SNRNP200: variants seen among roughly 807,000 people sequenced by gnomAD.
SNRNP200 encodes the protein small nuclear ribonucleoprotein U5 subunit 200.
A neutral mutation model predicts 255.2 loss-of-function variants in SNRNP200; 66 were observed. The observed-to-expected ratio is 0.26, with a 90% CI of 0.21 to 0.32. The LOEUF (loss-of-function observed/expected upper bound fraction) is 0.32, where lower values mean the gene tolerates loss of function less well. Among genes scored for constraint, SNRNP200 ranks in the 10% least tolerant of loss-of-function variants. The pLI is 1.00. For synonymous variants in SNRNP200, 939 were observed against 1,027.8 expected (o/e 0.91, Z 1.65); for missense variants, 1,585 against 2,749.8 (o/e 0.58, Z 9.47).
chr2:96,276,051 T>G (rs1425667426), intron 43 of SNRNP200, among the ~76,000 whole-genome samples: 2 of 152,150 alleles, frequency 1.3e-5, no homozygotes, highest in African/African-American at 4.8e-5. Flanking sequence ...TGCACAGAGA[T>G]ATCCACAGCA....
At chr2:96,301,418 G>C in intron 4 of SNRNP200, 106 bp downstream of exon 4, 1 of 1,163,684 alleles carries the variant, frequency 8.6e-7, no homozygotes, top group South Asian at 1.2e-5. Flanking sequence ...ACAGATTATG[G>C]GAACTCACTG....
At position 96,301,064 on chromosome 2, in the gene SNRNP200, G is replaced by C; in HGVS notation, c.575-11C>G. The C allele has an allele frequency of 1.9e-6, 3 of 1,613,438 alleles. No individual in the cohort carries two copies. Among genetic ancestry groups the C allele is most frequent in the Non-Finnish European group, 2.5e-6 (3 of 1,179,484 alleles). Reference sequence around the variant, plus strand: ...CATCAATGTTGTCATCTGAAACAATGAAGGATTAGAAAAAGAGGGCAGTGA... The same window carrying C: ...CATCAATGTTGTCATCTGAAACAATCAAGGATTAGAAAAAGAGGGCAGTGA... On this transcript the variant is annotated splice_polypyrimidine_tract_variant and intron_variant, in intron 4 of 44. Coordinates refer to ENST00000323853, the MANE Select transcript of SNRNP200 (RefSeq NM_014014.5).
At position 96,290,531 on chromosome 2, in the gene SNRNP200, G is replaced by GAACCAAGA. The variant is rs2063877711; in HGVS notation, c.2554-25_2554-18dup. 6.2e-7 allele frequency: 1 copy of GAACCAAGA among 1,613,938 alleles called. No individual in the cohort carries two copies. The highest frequency in any genetic ancestry group is 1.3e-5 in the African/African-American group (1 of 74,874). Reference sequence around the variant, plus strand: ...TCCCAGCATCTAGATCAGAGACAGCGAACCAAGAATGCTATGTCAAGAGAA... The same window carrying GAACCAAGA: ...TCCCAGCATCTAGATCAGAGACAGCGAACCAAGAAACCAAGAATGCTATGTCAAGAGAA... On this transcript the variant is annotated splice_polypyrimidine_tract_variant and intron_variant, in intron 19 of 44. Transcript: ENST00000323853. This position sits in a 1 kb window ranked among gnomAD's most constrained non-coding sequence, Gnocchi z 4.5.
intron 9 of SNRNP200, 122 bp downstream of exon 9, chr2:96,298,162 C>T: frequency 6.9e-7 from 1 of 1,451,552 alleles, no homozygotes; most frequent in Non-Finnish European, 9.6e-7. Context: ...ACTGATAAAC[C>T]CCAAAGAATT....
At chr2:96,280,927 A>T (rs1162259564) in intron 35 of SNRNP200, among the ~76,000 whole-genome samples, 2 of 141,498 alleles carry the variant, frequency 1.4e-5, no homozygotes, top group Non-Finnish European at 3.0e-5. Flanking sequence ...ATCTTGGCTC[A>T]CTGCAACCTC....
chr2:96,279,179 G>C, intron 36 of SNRNP200, 181 bp from the exon 37 acceptor site: 1 of 671,110 alleles, frequency 1.5e-6, no homozygotes, highest in Non-Finnish European at 2.7e-6. Context: ...CAGAGGTACA[G>C]CAAGTCACGA....
chr2:96,284,191 A>G (rs1426989812), intron 31 of SNRNP200, 167 bp downstream of exon 31: 2 of 857,330 alleles, frequency 2.3e-6, no homozygotes, highest in African/African-American at 3.3e-5. Flanking sequence ...CTGTTTTCCT[A>G]AAGTACTACC....
intron 2 of SNRNP200, 64 bp from the exon 3 acceptor site, chr2:96,303,394 AAG>A: frequency 6.3e-7 from 1 of 1,581,056 alleles, no homozygotes; most frequent in African/African-American, 1.3e-5. Flanking sequence ...AGACTGGATC[AAG>A]CCCACCCTCC....
intron 5 of SNRNP200, among the ~76,000 whole-genome samples, chr2:96,300,623 C>G: frequency 6.6e-6 from 1 of 152,020 alleles, no homozygotes; most frequent in East Asian, 1.9e-4. Context: ...ATTAGCCGGG[C>G]ATGGTGGCGG....
chr2:96,287,696 G>A lies in SNRNP200; in HGVS notation c.3366-139C>T. The stretch of plus-strand genomic sequence containing the variant: ...CAGACACTGACACTGTGCCAGCCCT[G>A]GCCTCCACCACAGAGGGCCTTCCCT... On this transcript the variant is annotated intron_variant, in intron 25 of 44. Transcript: ENST00000323853. The surrounding 1 kb of genome is among the most constrained non-coding windows in gnomAD (Gnocchi z 5.7). 2 of 911,688 alleles carry A rather than the reference G, an allele frequency of 2.2e-6. No homozygotes were observed. The highest frequency in any genetic ancestry group is 3.7e-6 in the Non-Finnish European group (2 of 541,510). The allele number at this position is 911,688 out of a possible 1,614,324, so 56.5% of individuals were successfully genotyped here.
chr2:96,293,133 G>C, intron 15 of SNRNP200, 38 bp from the exon 16 acceptor site: 1 of 1,613,882 alleles, frequency 6.2e-7, no homozygotes, highest in Non-Finnish European at 8.5e-7. Context: ...GGCTTTGGCA[G>C]AAAATACTGT....
At position 96,297,053 on chromosome 2, in the gene SNRNP200, T is replaced by G; in HGVS notation, c.1395A>C (p.Glu465Asp). ...FGSEEQLLPV[E>D]KLPKYAQAGF... is the part of the protein sequence containing the mutation. ...CAGCCTGGGCATACTTTGGCAGCTTTTCCACTGGAAGCAGTTGCTAGAAGA... is the reference window on the plus strand; with the variant it reads ...CAGCCTGGGCATACTTTGGCAGCTTGTCCACTGGAAGCAGTTGCTAGAAGA... The change falls in exon 12 of 45, where the codon GAA becomes GAC. Residue 465 changes from glutamate to aspartate, a missense_variant. Transcript: ENST00000323853. 1.2e-6 allele frequency: 2 copies of G among 1,614,206 alleles called. No homozygotes were observed. Among genetic ancestry groups the G allele is most frequent in the South Asian group, 2.2e-5 (2 of 91,086 alleles).
chr2:96,302,213 A>G (rs369443878), intron 3 of SNRNP200, among the ~76,000 whole-genome samples: 19 of 152,328 alleles, frequency 1.2e-4, no homozygotes, highest in African/African-American at 1.4e-4. Flanking sequence ...CTCTTCTATA[A>G]AATGGAAAAT....
At chr2:96,288,825 C>G in intron 23 of SNRNP200, 79 bp from the exon 24 acceptor site, 1 of 1,256,842 alleles carries the variant, frequency 8.0e-7, no homozygotes, top group Admixed American at 1.7e-5. Flanking sequence ...CTGCTCTGAG[C>G]ATCCAGGCCA....
chr2:96,287,246 G>C lies in SNRNP200; in HGVS notation c.3485-86C>G. The stretch of plus-strand genomic sequence containing the variant: ...GCCTGAGGGCCACTGTGGGAAAGGG[G>C]TAGGGTCTTCCCTTTATGGTCAGTG... On this transcript the variant is annotated intron_variant, in intron 26 of 44. Coordinates refer to ENST00000323853, the MANE Select transcript of SNRNP200 (RefSeq NM_014014.5). The surrounding 1 kb of genome is among the most constrained non-coding windows in gnomAD (Gnocchi z 5.7). 6.6e-7 allele frequency: 1 copy of C among 1,524,874 alleles called. No individual in the cohort carries two copies. Among genetic ancestry groups the C allele is most frequent in the East Asian group, 2.2e-5 (1 of 44,450 alleles). The allele number at this position is 1,524,874 out of a possible 1,614,324, so 94.5% of individuals were successfully genotyped here.
chr2:96,297,166 T>C, intron 11 of SNRNP200, 96 bp from the exon 12 acceptor site: 2 of 1,577,172 alleles, frequency 1.3e-6, no homozygotes, highest in South Asian at 2.2e-5. Flanking sequence ...TGGCAATCTC[T>C]TTGCATAACT....
intron 9 of SNRNP200, 79 bp from the exon 10 acceptor site, chr2:96,297,799 C>T (rs1029619833): frequency 6.7e-7 from 1 of 1,493,904 alleles, no homozygotes; most frequent in Non-Finnish European, 9.3e-7. Flanking sequence ...CCCTGCTTAG[C>T]TAATACTTGA....
At chr2:96,304,256 AAAAT>A (rs2063973206) in intron 2 of SNRNP200, among the ~76,000 whole-genome samples, 1 of 152,134 alleles carries the variant, frequency 6.6e-6, no homozygotes, top group African/African-American at 2.4e-5. Flanking sequence ...TTAAAAAAAA[AAAAT>A]AAAGGAAAAA....
At chr2:96,298,081 G>T (rs970801051) in intron 9 of SNRNP200, among the ~76,000 whole-genome samples, 5 of 152,240 alleles carry the variant, frequency 3.3e-5, no homozygotes, top group Non-Finnish European at 7.3e-5. Context: ...CACAGTGCTG[G>T]TGAAAGATAG....
Sources: allele counts gnomAD v4.1 joint callset (sites outside exome capture counted in the v4.1 genomes callset), GRCh38; gene constraint gnomAD v4.1.1; non-coding constraint Gnocchi (gnomAD v3.1); transcripts MANE v1.5; gene names NCBI Gene and HGNC (gene_info 2026-07-23, HGNC 2026-07-21).